Variants in MOB3B observed in about 807,000 individuals in gnomAD.
MOB3B encodes MOB kinase activator-like 2B.
Under a neutral mutation model 18.7 loss-of-function variants are expected in MOB3B, and 7 were observed. The observed-to-expected ratio is 0.37, with a 90% CI of 0.21 to 0.70. The LOEUF (loss-of-function observed/expected upper bound fraction) is 0.70. Ranked by LOEUF, MOB3B falls within the 30% of genes least tolerant of loss-of-function variation. The pLI is 0.52. For missense variants in MOB3B, 253 were observed against 281.3 expected (o/e 0.90, Z 0.72); for synonymous variants, 111 against 99.9 (o/e 1.11, Z -0.66).
At position 27,344,848 on chromosome 9, in the gene MOB3B, C is replaced by A. The variant is rs565123482; in HGVS notation, c.621+14186G>T. Among the ~76,000 whole-genome samples the A allele has an allele frequency of 2.6e-5, 4 of 152,344 alleles. No individual in the cohort carries two copies. The South Asian group carries it at 8.3e-4, about 32-fold the overall frequency. On this transcript the variant is annotated intron_variant, in intron 3 of 3. Coordinates refer to ENST00000262244, the MANE Select transcript of MOB3B (RefSeq NM_024761.5). ...CCACCAGTTTCCCAGAGCATAGGTG[C>A]CCCACAGTGCGGTTTCTGAAGGCTC...
chr9:27,517,927 G>C (rs769353232), intron 1 of MOB3B, among the ~76,000 whole-genome samples: 1 of 152,012 alleles, frequency 6.6e-6, no homozygotes, highest in African/African-American at 2.4e-5. Flanking sequence ...GGCTACCTGC[G>C]GGGAGGGATG....
In MOB3B at chr9:27,455,125, G is replaced by T. The variant is rs1202791550; in HGVS notation, c.418+8C>A. The T allele has an allele frequency of 3.4e-5, 55 of 1,613,998 alleles. No homozygotes were observed. Among genetic ancestry groups the T allele is most frequent in the Non-Finnish European group, 4.4e-5 (52 of 1,179,966 alleles). The stretch of plus-strand genomic sequence containing the variant: ...GACAAAAAAACTGAGAGCTGGTAAT[G>T]AACTTACCCACGCATGTTGGAAATA... On this transcript the variant is annotated splice_region_variant and intron_variant, in intron 2 of 3. Transcript: ENST00000262244.
At chr9:27,420,558 T>TAC (rs1455762771) in intron 2 of MOB3B, among the ~76,000 whole-genome samples, 16 of 66,876 alleles carry the variant, frequency 2.4e-4, no homozygotes, top group African/African-American at 8.1e-4. Context: ...CATATATATA[T>TAC]ATATATATAT....
rs138155421 is a variant in MOB3B at position 27,372,599 on chromosome 9, G to A, written c.419-13363C>T. The stretch of plus-strand genomic sequence containing the variant: ...TGTTCATAGAATATGGCTTTGATAC[G>A]ATAAGTCGCTTCACTTCTGTGGTCT... On this transcript the variant is annotated intron_variant, in intron 2 of 3. Coordinates refer to ENST00000262244, the MANE Select transcript of MOB3B (RefSeq NM_024761.5). Among the ~76,000 whole-genome samples the A allele has an allele frequency of 4.6e-5, 7 of 152,274 alleles. No individual in the cohort carries two copies. The East Asian group carries it at 9.6e-4, about 21-fold the overall frequency.
rs771978968 is a variant in MOB3B at position 27,524,579 on chromosome 9, GGA to G, written c.-199+4974_-199+4975del. On this transcript the variant is annotated intron_variant, in intron 1 of 3. Coordinates refer to ENST00000262244, the MANE Select transcript of MOB3B (RefSeq NM_024761.5). Reference sequence around the variant, plus strand: ...TGCAATACACCCAACCTATGAAGAGGGACATCAAGAAGGCCTTCTATGAAATG... The same window carrying G: ...TGCAATACACCCAACCTATGAAGAGGCATCAAGAAGGCCTTCTATGAAATG... 1.4e-5 allele frequency: 22 copies of G among 1,613,906 alleles called. No homozygotes were observed. In the African/African-American group the frequency reaches 2.5e-4, roughly 19 times the overall value.
chr9:27,429,205 G>C (rs1171819359), intron 2 of MOB3B, among the ~76,000 whole-genome samples: 1 of 152,134 alleles, frequency 6.6e-6, no homozygotes, highest in Admixed American at 6.5e-5. Context: ...CTTCAACTAA[G>C]AGGTCTTGGT....
chr9:27,353,847 C>T (rs987266985), intron 3 of MOB3B, among the ~76,000 whole-genome samples: 1 of 152,240 alleles, frequency 6.6e-6, no homozygotes, highest in African/African-American at 2.4e-5. Flanking sequence ...TTAATTGTGT[C>T]AGCTGACTCC....
intron 3 of MOB3B, among the ~76,000 whole-genome samples, chr9:27,335,567 C>T (rs7866088): frequency 0.062 from 9,463 of 152,200 alleles, 988 homozygotes; most frequent in African/African-American, 0.21. Context: ...CTGTAACATA[C>T]GATGCTGTTC....
chr9:27,380,056 C>T (rs984446128), intron 2 of MOB3B, among the ~76,000 whole-genome samples: 1 of 152,046 alleles, frequency 6.6e-6, no homozygotes, highest in African/African-American at 2.4e-5. Flanking sequence ...TTCAGCAGAA[C>T]CCACCCACGC....
intron 2 of MOB3B, among the ~76,000 whole-genome samples, chr9:27,360,679 T>C (rs911767214): frequency 6.6e-6 from 1 of 152,218 alleles, no homozygotes; most frequent in African/African-American, 2.4e-5. Flanking sequence ...TAGCAGCAGC[T>C]GTCTGGTGAG....
chr9:27,483,686 A>T (rs1819696325), intron 1 of MOB3B, among the ~76,000 whole-genome samples: 1 of 152,200 alleles, frequency 6.6e-6, no homozygotes, highest in Non-Finnish European at 1.5e-5. Context: ...ATTATATTTA[A>T]TGTGAGGTGT....
rs1042397985 is a variant in MOB3B at position 27,499,211 on chromosome 9, A to G, written c.-199+30344T>C. 4.0e-4 allele frequency among the ~76,000 whole-genome samples: 61 copies of G among 152,330 alleles called. 1 individual carries two copies. The highest frequency in any genetic ancestry group is 1.5e-3 in the African/African-American group (61 of 41,568). On this transcript the variant is annotated intron_variant, in intron 1 of 3. Transcript: ENST00000262244. ...ATATTTATTTTTGCATCTCAGAGCC[A>G]CTGCTGATGTATTTCTTTTATGTAT...
intron 1 of MOB3B, among the ~76,000 whole-genome samples, chr9:27,497,091 A>T (rs2131491894): frequency 6.6e-6 from 1 of 152,348 alleles, no homozygotes; most frequent in South Asian, 2.1e-4. Flanking sequence ...AAAAGCAGTC[A>T]AAGAATATTC....
chr9:27,412,459 C>A (rs1313712165), intron 2 of MOB3B, among the ~76,000 whole-genome samples: 2 of 152,172 alleles, frequency 1.3e-5, no homozygotes, highest in African/African-American at 4.8e-5. Context: ...TTTATCTATA[C>A]TTCAGTGCTA....
intron 2 of MOB3B, among the ~76,000 whole-genome samples, chr9:27,403,350 A>G (rs890535901): frequency 2.6e-5 from 4 of 152,168 alleles, no homozygotes; most frequent in Non-Finnish European, 5.9e-5. Flanking sequence ...ACATAGTTAC[A>G]CTTAGGAGAA....
chr9:27,412,298 C>T (rs1822081590), intron 2 of MOB3B, among the ~76,000 whole-genome samples: 1 of 151,366 alleles, frequency 6.6e-6, no homozygotes, highest in Admixed American at 6.6e-5. Context: ...AGGTGCCTTT[C>T]CTTTCCTGGA....
rs146422932 is a variant in MOB3B, at chr9:27,450,582, A to G, written c.418+4551T>C. ...CAAAAACAAAAACAAAACAGGTCTT[A>G]TAAAATTTTCTCCATCCTAAACAAC... On this transcript the variant is annotated intron_variant, in intron 2 of 3. Coordinates refer to ENST00000262244, the MANE Select transcript of MOB3B (RefSeq NM_024761.5). Among the ~76,000 whole-genome samples the G allele has an allele frequency of 2.4e-4, 36 of 152,354 alleles. No individual in the cohort carries two copies. The East Asian group carries it at 6.7e-3, about 29-fold the overall frequency.
chr9:27,418,511 G>C (rs997219671), intron 2 of MOB3B, among the ~76,000 whole-genome samples: 1 of 152,102 alleles, frequency 6.6e-6, no homozygotes, highest in African/African-American at 2.4e-5. Flanking sequence ...TTTCATACCA[G>C]AGATACAGGG....
intron 2 of MOB3B, among the ~76,000 whole-genome samples, chr9:27,412,944 T>A (rs934381290): frequency 2.4e-4 from 36 of 152,242 alleles, no homozygotes; most frequent in African/African-American, 8.7e-4. Flanking sequence ...GGGACCAGGC[T>A]GGACCATTCA....
Sources: allele counts gnomAD v4.1 joint callset (sites outside exome capture counted in the v4.1 genomes callset), GRCh38; gene constraint gnomAD v4.1.1; transcripts MANE v1.5; gene names NCBI Gene and HGNC (gene_info 2026-07-23, HGNC 2026-07-21).